EEFSEC: variants seen among roughly 807,000 people sequenced by gnomAD.
EEFSEC encodes selenocysteine-specific elongation factor.
EEFSEC carries 43 observed loss-of-function variants against 42.1 expected under a neutral mutation model. That is an observed-to-expected ratio of 1.02 (90% CI 0.80 to 1.32). The LOEUF (loss-of-function observed/expected upper bound fraction) is 1.32. Among genes scored for constraint, EEFSEC ranks in the 40% most tolerant of loss-of-function variants. The pLI is 0.00. For synonymous variants in EEFSEC, 354 were observed against 339.1 expected, an observed-to-expected ratio of 1.04 and a Z score of -0.48; for missense variants, 745 against 803.6, an observed-to-expected ratio of 0.93 and a Z score of 0.88.
At chr3:128,305,469 T>C (rs1357902728) in intron 4 of EEFSEC, among the ~76,000 whole-genome samples, 1 of 152,218 alleles carries the variant, frequency 6.6e-6, no homozygotes, top group Non-Finnish European at 1.5e-5. Context: ...TGAAGAAATT[T>C]GTCTCTCAAA....
At chr3:128,339,468 AAC>A (rs2067226473) in intron 4 of EEFSEC, among the ~76,000 whole-genome samples, 2 of 152,216 alleles carry the variant, frequency 1.3e-5, no homozygotes, top group Admixed American at 1.3e-4. Context: ...CAAATCCATG[AAC>A]AGTTTCCTCT....
At chr3:128,242,098 A>G (rs1282527697) in intron 1 of EEFSEC, among the ~76,000 whole-genome samples, 4 of 152,188 alleles carry the variant, frequency 2.6e-5, no homozygotes, top group South Asian at 2.1e-4. Context: ...GGGAGGATCT[A>G]TTGAGGCCAG....
intron 2 of EEFSEC, among the ~76,000 whole-genome samples, chr3:128,260,982 AC>A (rs1343056544): frequency 3.9e-5 from 6 of 152,166 alleles, no homozygotes; most frequent in African/African-American, 9.7e-5. Flanking sequence ...AAAAAAAAAA[AC>A]ATTCATGCCC....
chr3:128,183,204 G>C (rs2065430038), intron 1 of EEFSEC, among the ~76,000 whole-genome samples: 1 of 152,108 alleles, frequency 6.6e-6, no homozygotes, highest in African/African-American at 2.4e-5. Context: ...GTACTTTATT[G>C]AGCTTTGACT....
chr3:128,341,774 G>A lies in EEFSEC; in HGVS notation c.1328G>A (p.Arg443Gln), dbSNP rs776954210. ...LDADIHTNTC[R>Q]LAFHGILLHG... ...GCGGACATTCACACCAACACGTGCC[G>A]GCTAGCCTTCCATGGCATCCTGCTC... is the stretch of plus-strand genomic sequence containing the variant. Residue 443 changes from arginine to glutamine, a missense_variant, in exon 5 of 7, where the codon CGG becomes CAG. Physicochemically the swap from Arg to Gln is conservative, Grantham distance 43 (BLOSUM62 1). Transcript: ENST00000254730. 2.5e-5 allele frequency: 40 copies of A among 1,613,974 alleles called. No individual in the cohort carries two copies. The highest frequency in any genetic ancestry group is 1.6e-4 in the East Asian group (7 of 44,896).
rs896733805 is a variant in EEFSEC at position 128,392,475 on chromosome 3, A to T, written c.1601-15594A>T. Among the ~76,000 whole-genome samples the T allele has an allele frequency of 7.2e-5, 11 of 152,276 alleles. 2 individuals carry two copies. Among genetic ancestry groups the T allele is most frequent in the Admixed American group, 7.2e-4 (11 of 15,302 alleles). ...TGTAATAGGCGAGGGGACCCAGGGT[A>T]CCTCAGCTCACCCGTGACAGAACCT... On this transcript the variant is annotated intron_variant, in intron 6 of 6. Transcript: ENST00000254730.
intron 2 of EEFSEC, 52 bp downstream of exon 2, chr3:128,247,095 C>T: frequency 1.9e-6 from 3 of 1,566,366 alleles, no homozygotes; most frequent in South Asian, 1.1e-5. Flanking sequence ...CTTCTGGGGC[C>T]TCCCATGTTC....
At chr3:128,272,525 G>A (rs548988688) in intron 4 of EEFSEC, among the ~76,000 whole-genome samples, 1 of 152,346 alleles carries the variant, frequency 6.6e-6, no homozygotes, top group South Asian at 2.1e-4. Flanking sequence ...AGCAGAGCCT[G>A]CACCTGAGGG....
At chr3:128,337,055 A>C (rs1448138889) in intron 4 of EEFSEC, 1 of 152,250 alleles carries the variant, frequency 6.6e-6, no homozygotes, top group Non-Finnish European at 1.5e-5. Context: ...GCTAGAAGAT[A>C]AATGACTAAA....
the EEFSEC span, among the ~76,000 whole-genome samples, chr3:128,423,005 A>G: frequency 6.6e-6 from 1 of 152,248 alleles, no homozygotes; most frequent in Non-Finnish European, 1.5e-5. Flanking sequence ...TGCTTTTAGC[A>G]GCACAAACAG....
chr3:128,323,799 T>C (rs2067033806), intron 4 of EEFSEC, among the ~76,000 whole-genome samples: 1 of 152,166 alleles, frequency 6.6e-6, no homozygotes, highest in African/African-American at 2.4e-5. Flanking sequence ...CTTGGGCGGC[T>C]GCCATGTTGA....
chr3:128,325,122 G>A (rs1161564332), intron 4 of EEFSEC, among the ~76,000 whole-genome samples: 3 of 152,214 alleles, frequency 2.0e-5, no homozygotes, highest in African/African-American at 7.2e-5. Flanking sequence ...ATCCCAGAGT[G>A]GACCTGGAGC....
intron 1 of EEFSEC, among the ~76,000 whole-genome samples, chr3:128,188,510 G>T (rs754617390): frequency 1.3e-5 from 2 of 152,098 alleles, no homozygotes; most frequent in Non-Finnish European, 2.9e-5. Flanking sequence ...AAAGTTTGGC[G>T]GCCTTGGTAT....
intron 6 of EEFSEC, among the ~76,000 whole-genome samples, chr3:128,363,596 A>C (rs2067554774): frequency 6.6e-6 from 1 of 152,142 alleles, no homozygotes; most frequent in Admixed American, 6.5e-5. Flanking sequence ...CTCACCTCTG[A>C]AGAGGGTCCT....
chr3:128,261,845 C>G (rs2066300033), intron 2 of EEFSEC, among the ~76,000 whole-genome samples: 2 of 152,200 alleles, frequency 1.3e-5, no homozygotes, highest in Admixed American at 1.3e-4. Flanking sequence ...ATCACTGCTG[C>G]CTCCTTAGGG....
intron 1 of EEFSEC, among the ~76,000 whole-genome samples, chr3:128,182,882 G>A (rs2065424284): frequency 9.0e-6 from 1 of 110,814 alleles, no homozygotes; most frequent in Non-Finnish European, 1.8e-5. Context: ...AGAGATCGGG[G>A]CGGGGGGGTG....
At chr3:128,418,000 C>T in the EEFSEC span, among the ~76,000 whole-genome samples, 1 of 152,070 alleles carries the variant, frequency 6.6e-6, no homozygotes, top group Non-Finnish European at 1.5e-5. The surrounding 1 kb of genome is among the most constrained non-coding windows in gnomAD (Gnocchi z 4.3). Flanking sequence ...AGGGGCCTTC[C>T]CATCTGATTG....
intron 5 of EEFSEC, among the ~76,000 whole-genome samples, chr3:128,354,880 A>G (rs2107584094): frequency 6.6e-6 from 1 of 152,306 alleles, no homozygotes; most frequent in South Asian, 2.1e-4. Context: ...CTCCAGGCCC[A>G]CTGGGAGGCT....
intron 5 of EEFSEC, among the ~76,000 whole-genome samples, chr3:128,347,415 G>A (rs898427472): frequency 6.6e-6 from 1 of 152,134 alleles, no homozygotes; most frequent in Non-Finnish European, 1.5e-5. Context: ...TGGTGATAAG[G>A]GAAATAGTTG....
Sources: gnomAD v4.1 joint callset for allele counts (sites outside exome capture counted in the v4.1 genomes callset) on GRCh38, gnomAD v4.1.1 for gene constraint, Gnocchi (gnomAD v3.1) non-coding constraint, MANE v1.5 for transcripts, NCBI Gene and HGNC (gene_info 2026-07-23, HGNC 2026-07-21) for gene names.